The following ABCB10 variants were observed in gnomAD, a reference collection of about 807,000 sequenced individuals.
The protein encoded by ABCB10 is ATP binding cassette subfamily B member 10.
A neutral mutation model predicts 65.4 loss-of-function variants in ABCB10; 54 were observed. The observed-to-expected ratio is 0.83, with a 90% CI of 0.66 to 1.04. The LOEUF (loss-of-function observed/expected upper bound fraction) is 1.04, where lower values mean the gene tolerates loss of function less well. Among genes scored for constraint, ABCB10 ranks in the 50% least tolerant of loss-of-function variants. ABCB10 has a pLI of 0.00. For missense variants in ABCB10, 846 were observed against 976.6 expected (o/e 0.87, Z 1.78); for synonymous variants, 418 against 406.5 (o/e 1.03, Z -0.34).
chr1:229,545,501 C>A (rs984829182), intron 3 of ABCB10, among the ~76,000 whole-genome samples: 5 of 152,182 alleles, frequency 3.3e-5, no homozygotes, highest in African/African-American at 7.2e-5. Flanking sequence ...GCAGGTATGA[C>A]TGAGACATTG....
intron 11 of ABCB10, among the ~76,000 whole-genome samples, chr1:229,520,198 T>C (rs1378458299): frequency 3.3e-5 from 5 of 152,006 alleles, no homozygotes; most frequent in African/African-American, 1.2e-4. Flanking sequence ...GTCCTGCTTA[T>C]AGTTAATTTA....
At chr1:229,553,445 G>T (rs1450407805) in intron 1 of ABCB10, among the ~76,000 whole-genome samples, 1 of 152,158 alleles carries the variant, frequency 6.6e-6, no homozygotes, top group Non-Finnish European at 1.5e-5. Context: ...TCTGGCTACA[G>T]AGCGAAAGGA....
rs59264291 is a variant in ABCB10 at position 229,529,295 on chromosome 1, CAAAAAAAAAAAAAAAA to C, written c.1645+888_1645+903del. Among the ~76,000 whole-genome samples, 262 of 23,118 alleles carry C rather than the reference CAAAAAAAAAAAAAAAA, an allele frequency of 0.011. 6 individuals are homozygous for C. The East Asian group carries it at 0.26, about 23-fold the overall frequency. The allele number at this position is 23,118 out of a possible 152,430, so 15.2% of individuals were successfully genotyped here. A position where few individuals can be genotyped will look rare whatever the true frequency, so the allele number is the denominator to read the frequency against. On this transcript the variant is annotated intron_variant, in intron 8 of 12. Coordinates refer to ENST00000344517, the MANE Select transcript of ABCB10 (RefSeq NM_012089.3). The stretch of plus-strand genomic sequence containing the variant: ...TGGGCAACAGAGCAAGACTCCGTCT[CAAAAAAAAAAAAAAAA>C]AAAAAAAAAAAAAAAAAAGAAAATC...
At chr1:229,557,910 A>G (rs568877994) in intron 1 of ABCB10, among the ~76,000 whole-genome samples, 1 of 152,364 alleles carries the variant, frequency 6.6e-6, no homozygotes, top group African/African-American at 2.4e-5. Flanking sequence ...TGTGTCAACA[A>G]GAAAACAAGT....
rs1662466643 is a variant in ABCB10, at chr1:229,527,228, C to A, written c.1725+1G>T. The stretch of plus-strand genomic sequence containing the variant: ...ATAGAAATGGAAGCCTCTCTTCTTA[C>A]CTGACTCACTGTCCCAATTTTGGAT... On this transcript the variant is annotated splice_donor_variant, in intron 9 of 12. Coordinates refer to ENST00000344517, the MANE Select transcript of ABCB10 (RefSeq NM_012089.3). LOFTEE classifies it high-confidence loss of function. 1.9e-6 allele frequency: 3 copies of A among 1,612,972 alleles called. No homozygotes were observed. Among genetic ancestry groups the A allele is most frequent in the Non-Finnish European group, 2.5e-6 (3 of 1,179,304 alleles).
At position 229,518,335 on chromosome 1, in the gene ABCB10, A is replaced by G; in HGVS notation, c.2061T>C (p.Val687=). Reference sequence around the variant, plus strand: ...TAATGGTGGACAGACGATGGGCAATAACTAACACCGTTCTTCCATCCATCA... The same window carrying G: ...TAATGGTGGACAGACGATGGGCAATGACTAACACCGTTCTTCCATCCATCA... ...DRLMDGRTVL[V]IAHRLSTIKN... The change falls in exon 13 of 13, where the codon GTT becomes GTC. Residue 687 remains valine, a synonymous_variant. Coordinates refer to ENST00000344517, the MANE Select transcript of ABCB10 (RefSeq NM_012089.3). 6.2e-7 allele frequency: 1 copy of G among 1,614,228 alleles called. No individual in the cohort carries two copies. Among genetic ancestry groups the G allele is most frequent in the Non-Finnish European group, 8.5e-7 (1 of 1,180,050 alleles).
intron 3 of ABCB10, among the ~76,000 whole-genome samples, chr1:229,545,651 T>C (rs12119828): frequency 0.039 from 5,880 of 152,320 alleles, 146 homozygotes; most frequent in Middle Eastern, 0.085. Context: ...AATCTAAATA[T>C]AGATCAAGTA....
chr1:229,530,488 G>A, intron 7 of ABCB10, 80 bp from the exon 8 acceptor site: 2 of 1,431,104 alleles, frequency 1.4e-6, no homozygotes, highest in Non-Finnish European at 1.9e-6. Flanking sequence ...CTACTCATCT[G>A]GCTATGGATG....
chr1:229,558,107 C>T (rs770044867), intron 1 of ABCB10, 29 bp downstream of exon 1: 457 of 1,332,238 alleles, frequency 3.4e-4, no homozygotes, highest in Non-Finnish European at 4.1e-4. Flanking sequence ...AGAGGCCCGG[C>T]GGAGGGAAGT....
At chr1:229,522,660 C>T (rs1049653564) in intron 10 of ABCB10, among the ~76,000 whole-genome samples, 1 of 152,182 alleles carries the variant, frequency 6.6e-6, no homozygotes, top group Non-Finnish European at 1.5e-5. Flanking sequence ...GGGGTATGCT[C>T]TTAAAAGCAT....
intron 12 of ABCB10, 33 bp from the exon 13 acceptor site, chr1:229,518,443 G>T (rs377675121): frequency 6.4e-7 from 1 of 1,562,982 alleles, no homozygotes; most frequent in Non-Finnish European, 8.8e-7. Flanking sequence ...AGAAAGCAAA[G>T]ACGTCAGTGA....
chr1:229,554,517 C>G (rs1267997685), intron 1 of ABCB10, among the ~76,000 whole-genome samples: 1 of 152,188 alleles, frequency 6.6e-6, no homozygotes, highest in Non-Finnish European at 1.5e-5. Flanking sequence ...TTAAACTTCT[C>G]TAGTTGCCAC....
chr1:229,529,587 G>A (rs1223083614), intron 8 of ABCB10, among the ~76,000 whole-genome samples: 17 of 148,672 alleles, frequency 1.1e-4, no homozygotes, highest in South Asian at 2.1e-4. Context: ...GGAGAATGGC[G>A]GGAACCCAGG....
Position 229,531,563 on chromosome 1 carries a change from C to G in ABCB10, c.1435+73G>C, listed in dbSNP as rs1360613777. ...GGCTCATCCCTCACTCCCTTGCAGA[C>G]AGGGGAAGAGCTGGTCTCATTGTTC... On this transcript the variant is annotated intron_variant, in intron 7 of 12. Coordinates refer to ENST00000344517, the MANE Select transcript of ABCB10 (RefSeq NM_012089.3). The G allele has an allele frequency of 2.1e-6, 3 of 1,440,790 alleles. No homozygotes were observed. In the East Asian group the frequency reaches 6.9e-5, roughly 33 times the overall value. 89.3% of individuals were successfully genotyped at this position (1,440,790 alleles called of 1,614,324 possible).
At chr1:229,530,615 T>C (rs1281026697) in intron 7 of ABCB10, among the ~76,000 whole-genome samples, 1 of 152,150 alleles carries the variant, frequency 6.6e-6, no homozygotes, top group Non-Finnish European at 1.5e-5. Flanking sequence ...CAAGGTACTA[T>C]ATACGTAGAC....
Position 229,517,961 on chromosome 1 carries a change from G to A in ABCB10, c.*218C>T. 5.9e-6 allele frequency: 3 copies of A among 509,552 alleles called. 1 individual carries two copies. In the South Asian group the frequency reaches 8.2e-5, roughly 14 times the overall value. 31.6% of individuals were successfully genotyped at this position (509,552 alleles called of 1,614,324 possible). ...AATACAAAACCTGAAAATAACTTCA[G>A]TGCTATAGACATTTAAAAAGTTACA... On this transcript the variant is annotated 3_prime_UTR_variant, in exon 13 of 13. Coordinates refer to ENST00000344517, the MANE Select transcript of ABCB10 (RefSeq NM_012089.3).
At chr1:229,540,862 A>G (rs1662826552) in intron 4 of ABCB10, 110 bp from the exon 5 acceptor site, 5 of 1,300,172 alleles carry the variant, frequency 3.8e-6, no homozygotes, top group Non-Finnish European at 5.2e-6. Flanking sequence ...GAAAGAAAAG[A>G]AAAGAAATAG....
intron 10 of ABCB10, among the ~76,000 whole-genome samples, chr1:229,525,290 T>C (rs892792967): frequency 7.2e-5 from 11 of 152,174 alleles, no homozygotes; most frequent in African/African-American, 1.2e-4. Context: ...GGGCAAATCA[T>C]CCTGCCACTT....
At chr1:229,535,156 C>G (rs903428340) in intron 6 of ABCB10, 1 of 150,934 alleles carries the variant, frequency 6.6e-6, no homozygotes, top group Non-Finnish European at 1.5e-5. Flanking sequence ...TCGGATAAAC[C>G]TCACTGCCTA....
Sources: gnomAD v4.1 joint callset for allele counts (sites outside exome capture counted in the v4.1 genomes callset) on GRCh38, gnomAD v4.1.1 for gene constraint, MANE v1.5 for transcripts, NCBI Gene and HGNC (gene_info 2026-07-23, HGNC 2026-07-21) for gene names.